Variants in TAFA1 observed in about 807,000 individuals in gnomAD.
TAFA1 encodes TAFA chemokine like family member 1.
In TAFA1, 4 loss-of-function variants were observed where a neutral mutation model predicts 18.5. The ratio of observed to expected loss-of-function variants is 0.22; its 90% CI spans 0.11 to 0.49. The LOEUF (loss-of-function observed/expected upper bound fraction) is 0.49, where lower values mean the gene tolerates loss of function less well. Among genes scored for constraint, TAFA1 ranks in the 20% least tolerant of loss-of-function variants. The probability of loss-of-function intolerance (pLI) is 0.98; values close to 1 mark genes in which losing one functional copy is unlikely to be tolerated. For synonymous variants in TAFA1, 56 were observed against 55.2 expected, an observed-to-expected ratio of 1.01 and a Z score of -0.06; for missense variants, 147 against 169.0, an observed-to-expected ratio of 0.87 and a Z score of 0.72.
At chr3:68,281,053 A>G (rs941830955) in intron 2 of TAFA1, among the ~76,000 whole-genome samples, 2 of 152,182 alleles carry the variant, frequency 1.3e-5, no homozygotes, top group Non-Finnish European at 2.9e-5. Context: ...TCTTATTCCT[A>G]TGGAATATTC....
intron 2 of TAFA1, among the ~76,000 whole-genome samples, chr3:68,104,211 G>A (rs979632564): frequency 3.9e-5 from 6 of 151,968 alleles, no homozygotes; most frequent in African/African-American, 9.7e-5. Context: ...AGATTAATAT[G>A]GGTCTATTGT....
At chr3:68,079,808 C>T (rs998247979) in intron 2 of TAFA1, among the ~76,000 whole-genome samples, 6 of 152,068 alleles carry the variant, frequency 3.9e-5, no homozygotes, top group Non-Finnish European at 5.9e-5. Flanking sequence ...GGGTGGAGAG[C>T]TCTGTAGATG....
At chr3:68,442,751 TCTGA>T (rs1017463893) in intron 3 of TAFA1, among the ~76,000 whole-genome samples, 29 of 152,124 alleles carry the variant, frequency 1.9e-4, no homozygotes, top group African/African-American at 6.8e-4. Flanking sequence ...ACTCAACTAG[TCTGA>T]CTGAAACCAG....
chr3:68,058,543 A>G (rs182659633), intron 2 of TAFA1, among the ~76,000 whole-genome samples: 2 of 152,316 alleles, frequency 1.3e-5, no homozygotes, highest in Admixed American at 1.3e-4. Context: ...AATGTTCACA[A>G]GATCTCTGAG....
intron 2 of TAFA1, among the ~76,000 whole-genome samples, chr3:68,279,610 C>T (rs1036570909): frequency 7.2e-5 from 11 of 152,032 alleles, no homozygotes; most frequent in African/African-American, 1.2e-4. Context: ...CTCTCCTTCT[C>T]GGTATCCTCC....
chr3:68,458,877 G>C (rs1559678110), intron 3 of TAFA1, among the ~76,000 whole-genome samples: 1 of 151,940 alleles, frequency 6.6e-6, no homozygotes, highest in Non-Finnish European at 1.5e-5. Context: ...ATCTGGGGCA[G>C]GTTCCCTGGG....
chr3:68,461,217 G>T (rs1323508427), intron 3 of TAFA1, among the ~76,000 whole-genome samples: 1 of 151,250 alleles, frequency 6.6e-6, no homozygotes, highest in African/African-American at 2.4e-5. Flanking sequence ...AGGAAAGATA[G>T]GTTGCAAGGA....
intron 2 of TAFA1, among the ~76,000 whole-genome samples, chr3:68,401,973 A>C (rs976878074): frequency 6.6e-5 from 10 of 152,260 alleles, no homozygotes; most frequent in Admixed American, 2.0e-4. Context: ...TACAGCTAGC[A>C]ATAGCAATAA....
intron 2 of TAFA1, among the ~76,000 whole-genome samples, chr3:68,081,625 G>GGGGGTCA (rs1433380451): frequency 6.6e-6 from 1 of 152,208 alleles, no homozygotes; most frequent in Non-Finnish European, 1.5e-5. Context: ...TAGGCTGCTC[G>GGGGGTCA]GGGGTCAGGG....
intron 3 of TAFA1, among the ~76,000 whole-genome samples, chr3:68,470,123 A>G (rs925708322): frequency 1.5e-4 from 23 of 152,146 alleles, no homozygotes; most frequent in African/African-American, 4.6e-4. Context: ...CTCACAAAAT[A>G]TGATGGTTTC....
intron 3 of TAFA1, among the ~76,000 whole-genome samples, chr3:68,463,443 A>T (rs1447362139): frequency 6.6e-6 from 1 of 152,108 alleles, no homozygotes; most frequent in African/African-American, 2.4e-5. Flanking sequence ...CAGTTTTTTC[A>T]TTAGCACTTT....
intron 2 of TAFA1, among the ~76,000 whole-genome samples, chr3:68,007,323 T>G (rs1374980895): frequency 6.6e-6 from 1 of 152,096 alleles, no homozygotes; most frequent in Non-Finnish European, 1.5e-5. Context: ...ACCTGATTTT[T>G]GTTTTGTTTT....
At chr3:68,205,993 G>T (rs2066522109) in intron 2 of TAFA1, among the ~76,000 whole-genome samples, 1 of 151,830 alleles carries the variant, frequency 6.6e-6, no homozygotes, top group South Asian at 2.1e-4. Context: ...CCCGATTAAA[G>T]ATATAACCTA....
At chr3:68,511,958 A>C (rs1027184701) in intron 3 of TAFA1, among the ~76,000 whole-genome samples, 3 of 152,044 alleles carry the variant, frequency 2.0e-5, no homozygotes, top group Admixed American at 2.0e-4. Flanking sequence ...GTCCTCTTCT[A>C]AGGTCTTTCT....
chr3:68,429,747 C>CA (rs2071131885), intron 3 of TAFA1, among the ~76,000 whole-genome samples: 1 of 151,866 alleles, frequency 6.6e-6, no homozygotes, highest in Non-Finnish European at 1.5e-5. Context: ...AATGCATCCT[C>CA]AAAACCCCTT....
chr3:68,380,477 G>T (rs1220745511), intron 2 of TAFA1, among the ~76,000 whole-genome samples: 1 of 152,232 alleles, frequency 6.6e-6, no homozygotes, highest in Non-Finnish European at 1.5e-5. Flanking sequence ...GTGTGTGATG[G>T]TATCTCATTG....
rs1332494356 is a variant in TAFA1, at chr3:68,047,125, C to T, written c.118+40381C>T. Among the ~76,000 whole-genome samples the T allele has an allele frequency of 2.6e-5, 4 of 152,144 alleles. No individual in the cohort carries two copies. In the East Asian group the frequency reaches 5.8e-4, roughly 22 times the overall value. ...CATCCCCATGAGGGTAGGCAAGCTA[C>T]AGATGCTACACATATTATCTTTATA... On this transcript the variant is annotated intron_variant, in intron 2 of 4. Transcript: ENST00000478136.
intron 2 of TAFA1, among the ~76,000 whole-genome samples, chr3:68,079,915 T>C (rs2064874922): frequency 6.6e-6 from 1 of 152,076 alleles, no homozygotes; most frequent in African/African-American, 2.4e-5. Flanking sequence ...CAGTGGGGTG[T>C]TAAAGTCTCC....
chr3:68,177,025 G>A (rs529458510), intron 2 of TAFA1, among the ~76,000 whole-genome samples: 39 of 152,196 alleles, frequency 2.6e-4, no homozygotes, highest in East Asian at 2.3e-3. Flanking sequence ...TATTTTCACC[G>A]AAGTCTTCAT....
Sources: allele counts gnomAD v4.1 joint callset (sites outside exome capture counted in the v4.1 genomes callset), GRCh38; gene constraint gnomAD v4.1.1; transcripts MANE v1.5; gene names NCBI Gene and HGNC (gene_info 2026-07-23, HGNC 2026-07-21).